The following AARS2 variants were observed in gnomAD, a reference collection of about 807,000 sequenced individuals.
AARS2 encodes the protein alanyl-tRNA synthetase 2, mitochondrial.
In AARS2, 78 loss-of-function variants were observed where a neutral mutation model predicts 119.7. The observed-to-expected ratio is 0.65, with a 90% CI of 0.54 to 0.79. The LOEUF is 0.79. Among genes scored for constraint, AARS2 ranks in the 30% least tolerant of loss-of-function variants. The probability of loss-of-function intolerance (pLI) is 0.00; values close to 1 mark genes in which losing one functional copy is unlikely to be tolerated. For synonymous variants in AARS2, 502 were observed against 526.3 expected, an observed-to-expected ratio of 0.95 and a Z score of 0.63; for missense variants, 1,157 against 1,291.3, an observed-to-expected ratio of 0.90 and a Z score of 1.59.
rs530359122 is a variant in AARS2, at chr6:44,302,971, C to T, written c.2256-61G>A. 458 of 1,601,454 alleles carry T rather than the reference C, an allele frequency of 2.9e-4. 9 individuals carry two copies. Among genetic ancestry groups the T allele is most frequent in the South Asian group, 1.3e-3 (116 of 90,684 alleles). On this transcript the variant is annotated intron_variant, in intron 16 of 21. Coordinates refer to ENST00000244571, the MANE Select transcript of AARS2 (RefSeq NM_020745.4). ...TGACAGTAGAGAAGGGAGAAGCCAG[C>T]GTGCATCTCCCATTAAGGGCTGATG...
Position 44,301,406 on chromosome 6 carries a change from T to G in AARS2, c.2657A>C (p.Asp886Ala), listed in dbSNP as rs377719163. ...TGAGAGAGACTCAGCAGAGACTGTGTCCACAATCAGAGGCCCCTTCGAGTG... is the reference window on the plus strand; with the variant it reads ...TGAGAGAGACTCAGCAGAGACTGTGGCCACAATCAGAGGCCCCTTCGAGTG... ...ERHSKGPLIV[D>A]TVSAESLSVL... Residue 886 changes from aspartate (D) to alanine (A), a missense_variant, in exon 20 of 22, where the codon GAC (aspartate) becomes GCC (alanine). Coordinates refer to ENST00000244571, the MANE Select transcript of AARS2 (RefSeq NM_020745.4). 2.5e-6 allele frequency: 4 copies of G among 1,613,842 alleles called. No individual in the cohort carries two copies. Among genetic ancestry groups the G allele is most frequent in the Non-Finnish European group, 3.4e-6 (4 of 1,180,044 alleles).
chr6:44,313,303 A>C lies in AARS2; in HGVS notation c.21T>G (p.Ala7=). ...TGGCCCGCCGCAGCCTCCGGGCTGC[A>C]GCTGCCACTGACGCTGCCATCGTAG... MAASVA[A]AARRLRRAIR... The change falls in exon 1 of 22, where the codon GCT becomes GCG. Residue 7 remains alanine (A), a synonymous_variant. Coordinates refer to ENST00000244571, the MANE Select transcript of AARS2 (RefSeq NM_020745.4). 6.3e-7 allele frequency: 1 copy of C among 1,599,952 alleles called. No homozygotes were observed.
At chr6:44,301,568 C>A in intron 19 of AARS2, 104 bp from the exon 20 acceptor site, 1 of 1,111,412 alleles carries the variant, frequency 9.0e-7, no homozygotes, top group Non-Finnish European at 1.3e-6. Flanking sequence ...CCTGCTTCCC[C>A]CACCCACCCC....
Position 44,303,066 on chromosome 6 carries a change from G to T in AARS2, c.2255C>A (p.Thr752Lys). The T allele has an allele frequency of 6.2e-7, 1 of 1,614,000 alleles. No homozygotes were observed. Among genetic ancestry groups the T allele is most frequent in the Non-Finnish European group, 8.5e-7 (1 of 1,180,018 alleles). Residue 752 changes from threonine to lysine, a missense_variant and splice_region_variant, in exon 16 of 22, where the codon ACG becomes AAG. Physicochemically the swap from Thr to Lys is moderately conservative, Grantham distance 78 (BLOSUM62 -1). Transcript: ENST00000244571. ...CAGGCAGCACAAAGGAGTGACTCAC[G>T]TCCCACAGCATAGCTCCACAGAGGT... ...LQTSVELCCGTHLLRTGAVGD... is the reference protein window; with the variant it reads ...LQTSVELCCGKHLLRTGAVGD...
Position 44,304,433 on chromosome 6 carries a change from A to C in AARS2, c.1853T>G (p.Leu618Arg). Reference sequence around the variant, plus strand: ...GAGGATCCTTACCTCATCCACATGCAGCTGCACCTGGTCCCCTAACCGCAG... The same window carrying C: ...GAGGATCCTTACCTCATCCACATGCCGCTGCACCTGGTCCCCTAACCGCAG... ...ECLRLGDQVQ[L>R]HVDEAWRLGC... Residue 618 changes from leucine (L) to arginine (R), a missense_variant, in exon 13 of 22, where the codon CTG becomes CGG. Coordinates refer to ENST00000244571, the MANE Select transcript of AARS2 (RefSeq NM_020745.4). 6.2e-7 allele frequency: 1 copy of C among 1,614,204 alleles called. No homozygotes were observed. The highest frequency in any genetic ancestry group is 2.2e-5 in the East Asian group (1 of 44,888).
Position 44,307,396 on chromosome 6 carries a change from TG to T in AARS2, c.895-3del. 1 of 1,599,636 alleles carries T rather than the reference TG, an allele frequency of 6.3e-7. No individual in the cohort carries two copies. Among genetic ancestry groups the T allele is most frequent in the Non-Finnish European group, 8.5e-7 (1 of 1,174,336 alleles). ...CAAGTAAGGGGGTGCCCTGCAGCCC[TG>T]GGAAGCAGAAGAGTCAGCCAGTGGC... On this transcript the variant is annotated splice_region_variant and splice_polypyrimidine_tract_variant and intron_variant, in intron 5 of 21. Coordinates refer to ENST00000244571, the MANE Select transcript of AARS2 (RefSeq NM_020745.4). The surrounding 1 kb of genome is among the most constrained non-coding windows in gnomAD (Gnocchi z 4.4).
At chr6:44,306,222 T>C in intron 9 of AARS2, 58 bp downstream of exon 9, 1 of 1,543,068 alleles carries the variant, frequency 6.5e-7, no homozygotes, top group Non-Finnish European at 9.0e-7. Flanking sequence ...CTCCCTCCTC[T>C]GCCCACCTTG....
In AARS2 at chr6:44,311,156, G is replaced by A. The variant is rs1219854689; in HGVS notation, c.587C>T (p.Pro196Leu). 3 of 1,614,102 alleles carry A rather than the reference G, an allele frequency of 1.9e-6. No individual in the cohort carries two copies. In the Middle Eastern group the frequency reaches 5.0e-4, roughly 266 times the overall value. The change falls in exon 4 of 22, where the codon CCT (proline) becomes CTT (leucine). Residue 196 changes from proline to leucine, a missense_variant. Physicochemically the swap from Pro to Leu is moderately conservative, Grantham distance 98. Coordinates refer to ENST00000244571, the MANE Select transcript of AARS2 (RefSeq NM_020745.4). ...TCCAAAGGAAAGCACACGGCTAGCA[G>A]GCACCCTGGGGAGAAAAGCAGGTGA... ...TRDIWLSLGV[P>L]ASRVLSFGPQ... is the part of the protein sequence containing the mutation.
chr6:44,305,096 T>C lies in AARS2; in HGVS notation c.1537A>G (p.Ser513Gly), dbSNP rs1185311950. 6.2e-7 allele frequency: 1 copy of C among 1,614,128 alleles called. No individual in the cohort carries two copies. Among genetic ancestry groups the C allele is most frequent in the Non-Finnish European group, 8.5e-7 (1 of 1,180,026 alleles). ...CGCAGGGAGTAGTTGTACTTGGGGC[T>C]GTCGTCAGTTGGGGGCACTCCTTGG... ...QRQGVPPTDD[S>G]PKYNYSLRPS... The change falls in exon 11 of 22, where the codon AGC becomes GGC. Residue 513 changes from serine to glycine, a missense_variant. Physicochemically the swap from Ser to Gly is moderately conservative, Grantham distance 56 (BLOSUM62 0). Coordinates refer to ENST00000244571, the MANE Select transcript of AARS2 (RefSeq NM_020745.4). The surrounding 1 kb of genome is among the most constrained non-coding windows in gnomAD (Gnocchi z 4.6).
Position 44,313,298 on chromosome 6 carries a change from G to T in AARS2, c.26C>A (p.Ala9Asp). ...TCGAATGGCCCGCCGCAGCCTCCGG[G>T]CTGCAGCTGCCACTGACGCTGCCAT... MAASVAAA[A>D]RRLRRAIRRS... The change falls in exon 1 of 22, where the codon GCC becomes GAC. Residue 9 changes from alanine (A) to aspartate (D), a missense_variant. By Grantham distance (126) the Ala-to-Asp change is moderately radical (BLOSUM62 -2). Transcript: ENST00000244571. 6.3e-7 allele frequency: 1 copy of T among 1,599,816 alleles called. No individual in the cohort carries two copies. Among genetic ancestry groups the T allele is most frequent in the Non-Finnish European group, 8.5e-7 (1 of 1,177,504 alleles).
rs996867235 is a variant in AARS2, at chr6:44,304,885, G to A, written c.1580-68C>T. ...GGGACGTGAAGGTGGGTCTGTGCCTGGAGGCCAACAAGCACCCCCGCTGGC... is the reference window on the plus strand; with the variant it reads ...GGGACGTGAAGGTGGGTCTGTGCCTAGAGGCCAACAAGCACCCCCGCTGGC... On this transcript the variant is annotated intron_variant, in intron 11 of 21. Coordinates refer to ENST00000244571, the MANE Select transcript of AARS2 (RefSeq NM_020745.4). The A allele has an allele frequency of 1.5e-5, 24 of 1,610,750 alleles. No individual in the cohort carries two copies. In the African/African-American group the frequency reaches 3.2e-4, roughly 22 times the overall value.
rs143345225 is a variant in AARS2, at chr6:44,306,318, C to T, written c.1262G>A (p.Arg421Gln). 88 of 1,614,118 alleles carry T rather than the reference C, an allele frequency of 5.5e-5. No individual in the cohort carries two copies. Among genetic ancestry groups the T allele is most frequent in the Non-Finnish European group, 6.8e-5 (80 of 1,179,996 alleles). The change falls in exon 9 of 22, where the codon CGG (arginine) becomes CAG (glutamine). Residue 421 changes from arginine (R) to glutamine (Q), a missense_variant. Physicochemically the swap from Arg to Gln is conservative, Grantham distance 43. Coordinates refer to ENST00000244571, the MANE Select transcript of AARS2 (RefSeq NM_020745.4). ...TGAAGGCCCCAGGGTCCTCAGAGTCCGATCAATGATCCGCCTACCCCGCTC... is the reference window on the plus strand; with the variant it reads ...TGAAGGCCCCAGGGTCCTCAGAGTCTGATCAATGATCCGCCTACCCCGCTC... ...SLERGRRIID[R>Q]TLRTLGPSDM...
chr6:44,301,100 G>A (rs1785314483), intron 21 of AARS2, 56 bp downstream of exon 21: 2 of 1,489,868 alleles, frequency 1.3e-6, no homozygotes, highest in Non-Finnish European at 9.3e-7. Context: ...AAATCAGAGA[G>A]CTGGACCAGG....
chr6:44,305,205 G>A lies in AARS2; in HGVS notation c.1435-7C>T, dbSNP rs1032050631. The A allele has an allele frequency of 5.6e-6, 9 of 1,610,574 alleles. No individual in the cohort carries two copies. Among genetic ancestry groups the A allele is most frequent in the Non-Finnish European group, 6.8e-6 (8 of 1,180,028 alleles). The stretch of plus-strand genomic sequence containing the variant: ...CAGCCTGCCGTGCCCGGTGCTGCAG[G>A]GTGGGCATGGGCATGGAAGAAGTGC... On this transcript the variant is annotated splice_polypyrimidine_tract_variant and splice_region_variant and intron_variant, in intron 10 of 21. Transcript: ENST00000244571. The surrounding 1 kb of genome is among the most constrained non-coding windows in gnomAD (Gnocchi z 4.6).
chr6:44,311,929 G>C, intron 2 of AARS2, 143 bp downstream of exon 2: 1 of 982,698 alleles, frequency 1.0e-6, no homozygotes, highest in Non-Finnish European at 1.6e-6. Context: ...TCCAATCAGG[G>C]AGGTGAGGTA....
chr6:44,304,560 C>CT, intron 12 of AARS2, 27 bp from the exon 13 acceptor site: 6 of 1,614,106 alleles, frequency 3.7e-6, no homozygotes, highest in Non-Finnish European at 5.1e-6. Flanking sequence ...GTCAAGGTGC[C>CT]TGTAGCCTTT....
At chr6:44,306,894 C>T (rs2153355275) in intron 7 of AARS2, 29 bp downstream of exon 7, 1 of 1,606,640 alleles carries the variant, frequency 6.2e-7, no homozygotes, top group Non-Finnish European at 8.5e-7. Context: ...CCAGGGAGGC[C>T]CAGAGTGAAA....
intron 2 of AARS2, 91 bp from the exon 3 acceptor site, chr6:44,311,626 A>T: frequency 6.9e-7 from 1 of 1,458,190 alleles, no homozygotes; most frequent in Admixed American, 1.8e-5. Context: ...TTAGCTCCCG[A>T]CTTAAGACAA....
In AARS2 at chr6:44,307,573, G is replaced by A. The variant is rs1179426049; in HGVS notation, c.895-179C>T. On this transcript the variant is annotated intron_variant, in intron 5 of 21. Transcript: ENST00000244571. This position sits in a 1 kb window ranked among gnomAD's most constrained non-coding sequence, Gnocchi z 4.4. ...AGCACAAGCCAGGCCCTGCCCTCAC[G>A]GGGCTCATATTTGGTGCTACAAGTG... is the stretch of plus-strand genomic sequence containing the variant. 3.3e-5 allele frequency: 24 copies of A among 735,224 alleles called. No individual in the cohort carries two copies. The highest frequency in any genetic ancestry group is 4.9e-5 in the Non-Finnish European group (22 of 451,100). The allele number at this position is 735,224 out of a possible 1,614,324, so 45.5% of individuals were successfully genotyped here.
Sources: gnomAD v4.1 joint callset for allele counts on GRCh38, gnomAD v4.1.1 for gene constraint, Gnocchi (gnomAD v3.1) non-coding constraint, MANE v1.5 for transcripts, NCBI Gene and HGNC (gene_info 2026-07-23, HGNC 2026-07-21) for gene names.